Variants in CACNA1D observed in about 807,000 individuals in gnomAD.
The protein encoded by CACNA1D is calcium voltage-gated channel subunit alpha1 D, also known as voltage-dependent L-type calcium channel subunit alpha-1D.
CACNA1D carries 55 observed loss-of-function variants against 257.1 expected under a neutral mutation model. That is an observed-to-expected ratio of 0.21 (90% confidence interval 0.17 to 0.27). The LOEUF is 0.27. Among genes scored for constraint, CACNA1D ranks in the 10% least tolerant of loss-of-function variants. CACNA1D has a pLI of 1.00. For synonymous variants in CACNA1D, 980 were observed against 1,014.9 expected (o/e 0.97, Z 0.65); for missense variants, 1,876 against 2,784.0 (o/e 0.67, Z 7.34).
chr3:53,641,391 T>A (rs994413104), intron 3 of CACNA1D, among the ~76,000 whole-genome samples: 1 of 152,106 alleles, frequency 6.6e-6, no homozygotes, highest in Admixed American at 6.5e-5. Context: ...CCTGAAATGT[T>A]TATATATTAT....
intron 40 of CACNA1D, chr3:53,799,931 G>C (rs1287263212): frequency 2.4e-6 from 1 of 409,176 alleles, no homozygotes; most frequent in African/African-American, 2.0e-5. Flanking sequence ...CTGTCACTGA[G>C]ACAGGGGCAT....
At chr3:53,515,183 G>T (rs977455065) in intron 3 of CACNA1D, among the ~76,000 whole-genome samples, 2 of 152,134 alleles carry the variant, frequency 1.3e-5, no homozygotes, top group Admixed American at 1.3e-4. Flanking sequence ...TACCCACAAG[G>T]CTTGGTGGTT....
At chr3:53,703,058 C>T (rs1314891864) in intron 9 of CACNA1D, among the ~76,000 whole-genome samples, 1 of 152,240 alleles carries the variant, frequency 6.6e-6, no homozygotes, top group Non-Finnish European at 1.5e-5. Flanking sequence ...GAAGGTCAAA[C>T]GGACCCACTG....
chr3:53,606,208 C>G (rs2093508024), intron 3 of CACNA1D, among the ~76,000 whole-genome samples: 1 of 152,212 alleles, frequency 6.6e-6, no homozygotes. Context: ...TTTTAACCAT[C>G]CATGTCATTT....
At chr3:53,672,929 T>A in intron 7 of CACNA1D, 94 bp from the exon 8 acceptor site, 1 of 806,778 alleles carries the variant, frequency 1.2e-6, no homozygotes, top group Non-Finnish European at 2.0e-6. Context: ...AAATGTTTAA[T>A]TAAATGTATA....
chr3:53,571,482 A>G (rs2092942306), intron 3 of CACNA1D, among the ~76,000 whole-genome samples: 1 of 152,130 alleles, frequency 6.6e-6, no homozygotes, highest in African/African-American at 2.4e-5. Flanking sequence ...CTTGGCAGCC[A>G]TAGCTGTCGA....
chr3:53,797,997 G>A (rs921371950), intron 40 of CACNA1D: 1 of 152,206 alleles, frequency 6.6e-6, no homozygotes, highest in African/African-American at 2.4e-5. Context: ...CCTTAGATAT[G>A]TAACCGAGTT....
At chr3:53,570,949 A>G (rs1190556981) in intron 3 of CACNA1D, among the ~76,000 whole-genome samples, 1 of 152,252 alleles carries the variant, frequency 6.6e-6, no homozygotes, top group East Asian at 1.9e-4. Flanking sequence ...AGCCAGGGTC[A>G]AGTGGATGGC....
At chr3:53,664,003 T>G (rs55881044) in intron 5 of CACNA1D, among the ~76,000 whole-genome samples, 2,983 of 152,244 alleles carry the variant, frequency 0.02, 98 homozygotes, top group African/African-American at 0.068. Context: ...TGACCTCAAG[T>G]GATCCATCTG....
At chr3:53,798,312 T>TGTGTGTGTGTGTGTGTGC (rs2095517665) in intron 40 of CACNA1D, among the ~76,000 whole-genome samples, 1 of 147,902 alleles carries the variant, frequency 6.8e-6, no homozygotes, top group Non-Finnish European at 1.5e-5. Context: ...TGTGTGCGTG[T>TGTGTGTGTGTGTGTGTGC]GTGTGTGTGT....
intron 3 of CACNA1D, among the ~76,000 whole-genome samples, chr3:53,626,354 C>G (rs1387277716): frequency 6.6e-6 from 1 of 152,142 alleles, no homozygotes; most frequent in African/African-American, 2.4e-5. Flanking sequence ...CCAAAGCTAG[C>G]TTTATATATG....
chr3:53,733,568 T>G (rs1414476746), intron 19 of CACNA1D, among the ~76,000 whole-genome samples: 1 of 152,174 alleles, frequency 6.6e-6, no homozygotes, highest in Non-Finnish European at 1.5e-5. Flanking sequence ...GTTAAAATGA[T>G]AAGGTGCTCA....
chr3:53,517,663 T>C (rs898273783), intron 3 of CACNA1D, among the ~76,000 whole-genome samples: 1 of 152,128 alleles, frequency 6.6e-6, no homozygotes, highest in African/African-American at 2.4e-5. Flanking sequence ...TTTGTATTTT[T>C]AGTAGAGACG....
chr3:53,778,280 T>A (rs1005573360), intron 37 of CACNA1D, among the ~76,000 whole-genome samples: 1 of 152,176 alleles, frequency 6.6e-6, no homozygotes, highest in Non-Finnish European at 1.5e-5. Context: ...ACTGATGTCT[T>A]CTTGTGTTTA....
In CACNA1D at chr3:53,723,987, C is replaced by G; in HGVS notation, c.2088C>G (p.Leu696=). Residue 696 remains leucine (L), a synonymous_variant, in exon 14 of 48, where the codon CTC becomes CTG. Coordinates refer to ENST00000350061, the MANE Select transcript of CACNA1D (RefSeq NM_001128840.3). The surrounding 1 kb of genome is among the most constrained non-coding windows in gnomAD (Gnocchi z 5.6). ...STFDNFPQAL[L]TVFQILTGED... ...TTGACAATTTCCCTCAAGCACTTCTCACAGTGTTCCAGGTGAGTCCTCCCT... is the reference window on the plus strand; with the variant it reads ...TTGACAATTTCCCTCAAGCACTTCTGACAGTGTTCCAGGTGAGTCCTCCCT... The G allele has an allele frequency of 6.2e-7, 1 of 1,613,986 alleles. No individual in the cohort carries two copies. Among genetic ancestry groups the G allele is most frequent in the East Asian group, 2.2e-5 (1 of 44,884 alleles).
chr3:53,574,798 G>A (rs904326273), intron 3 of CACNA1D, among the ~76,000 whole-genome samples: 17 of 152,074 alleles, frequency 1.1e-4, no homozygotes, highest in African/African-American at 1.7e-4. Context: ...CTTTTGACAC[G>A]CCAGGAATTA....
At chr3:53,609,452 A>T (rs1332180985) in intron 3 of CACNA1D, among the ~76,000 whole-genome samples, 2 of 150,854 alleles carry the variant, frequency 1.3e-5, no homozygotes, top group African/African-American at 2.4e-5. Context: ...TATTAAATAG[A>T]TATAGGACTA....
intron 30 of CACNA1D, chr3:53,765,413 C>T (rs771444504): frequency 6.6e-6 from 1 of 152,436 alleles, no homozygotes; most frequent in African/African-American, 2.4e-5. Flanking sequence ...TCTTTCTTTT[C>T]TGTTGCCTAA....
At chr3:53,548,294 G>A (rs1166680405) in intron 3 of CACNA1D, among the ~76,000 whole-genome samples, 1 of 151,060 alleles carries the variant, frequency 6.6e-6, no homozygotes, top group Non-Finnish European at 1.5e-5. Flanking sequence ...GTATCCTTCT[G>A]GAGAGCTGAA....
Sources: gnomAD v4.1 joint callset for allele counts (sites outside exome capture counted in the v4.1 genomes callset) on GRCh38, gnomAD v4.1.1 for gene constraint, Gnocchi (gnomAD v3.1) non-coding constraint, MANE v1.5 for transcripts, NCBI Gene and HGNC (gene_info 2026-07-23, HGNC 2026-07-21) for gene names.